Variants in ATAD2B observed in about 807,000 individuals in gnomAD.
The protein encoded by ATAD2B is ATPase family AAA domain containing 2B.
In ATAD2B, 40 loss-of-function variants were observed where a neutral mutation model predicts 167.6. The observed-to-expected ratio is 0.24, with a 90% CI of 0.19 to 0.31. The LOEUF is 0.31. Among genes scored for constraint, ATAD2B ranks in the 10% least tolerant of loss-of-function variants. ATAD2B has a pLI of 1.00. For missense variants in ATAD2B, 1,242 were observed against 1,757.2 expected (o/e 0.71, Z 5.24); for synonymous variants, 579 against 596.5 (o/e 0.97, Z 0.43).
intron 21 of ATAD2B, 76 bp from the exon 22 acceptor site, chr2:23,783,104 CAA>C (rs1346613594): frequency 1.3e-6 from 1 of 753,350 alleles, no homozygotes; most frequent in Admixed American, 3.5e-5. Context: ...AAAATAAAAA[CAA>C]AGTTCTTTAA....
intron 13 of ATAD2B, among the ~76,000 whole-genome samples, chr2:23,849,341 G>C: frequency 6.6e-6 from 1 of 152,082 alleles, no homozygotes; most frequent in East Asian, 1.9e-4. Flanking sequence ...TGTATTACAA[G>C]ATAAACATGG....
At chr2:23,730,429 G>A in the ATAD2B span, among the ~76,000 whole-genome samples, 1 of 151,920 alleles carries the variant, frequency 6.6e-6, no homozygotes, top group Non-Finnish European at 1.5e-5. Flanking sequence ...CACTTTGGGA[G>A]GCCGAGGCAG....
intron 19 of ATAD2B, among the ~76,000 whole-genome samples, chr2:23,793,689 C>T (rs1288948099): frequency 1.3e-5 from 2 of 152,144 alleles, no homozygotes; most frequent in South Asian, 4.1e-4. Flanking sequence ...ACTGTTAGTT[C>T]CTTTTTTCAT....
Position 23,765,419 on chromosome 2 carries a change from A to T in ATAD2B, c.3256+87T>A, listed in dbSNP as rs962500031. ...TTAAATACATTACTTTCATAATACC[A>T]GCAATCCTAAAGAAACAGCGTTCAA... On this transcript the variant is annotated intron_variant, in intron 23 of 27. Transcript: ENST00000238789. 2.7e-6 allele frequency: 3 copies of T among 1,098,260 alleles called. No individual in the cohort carries two copies. The Admixed American group carries it at 9.8e-5, about 36-fold the overall frequency. The allele number at this position is 1,098,260 out of a possible 1,614,324, so 68.0% of individuals were successfully genotyped here.
intron 12 of ATAD2B, among the ~76,000 whole-genome samples, chr2:23,863,023 C>T (rs1325671950): frequency 1.3e-5 from 2 of 152,138 alleles, no homozygotes; most frequent in Non-Finnish European, 2.9e-5. Flanking sequence ...TCCTCATAAA[C>T]AGTTTGTATT....
intron 13 of ATAD2B, among the ~76,000 whole-genome samples, chr2:23,836,663 C>T (rs916385071): frequency 6.6e-6 from 1 of 152,048 alleles, no homozygotes; most frequent in Non-Finnish European, 1.5e-5. Context: ...GGCAGGTCGT[C>T]ATGTTGAGTG....
chr2:23,883,005 G>A (rs1265894086), intron 6 of ATAD2B, among the ~76,000 whole-genome samples: 4 of 152,072 alleles, frequency 2.6e-5, no homozygotes, highest in African/African-American at 9.7e-5. Context: ...TGGACATGGT[G>A]GCTTACGCCT....
intron 6 of ATAD2B, among the ~76,000 whole-genome samples, chr2:23,881,301 C>T (rs1305425228): frequency 6.6e-6 from 1 of 150,672 alleles, no homozygotes; most frequent in African/African-American, 2.4e-5. Flanking sequence ...TGAGAGGGAG[C>T]ATGAAACAGA....
At chr2:23,722,758 C>T in the ATAD2B span, among the ~76,000 whole-genome samples, 1 of 151,950 alleles carries the variant, frequency 6.6e-6, no homozygotes, top group African/African-American at 2.4e-5. Context: ...CCAAACAGAT[C>T]CTCTCCAAGA....
chr2:23,922,876 T>C (rs1400368953), intron 1 of ATAD2B, among the ~76,000 whole-genome samples: 6 of 152,028 alleles, frequency 3.9e-5, no homozygotes, highest in African/African-American at 1.4e-4. Flanking sequence ...TGGGGAGATG[T>C]AGAAAAAAGG....
rs1698922410 is a variant in ATAD2B, at chr2:23,887,893, AACG to A, written c.508_510del (p.Arg170del). The A allele has an allele frequency of 6.2e-7, 1 of 1,611,112 alleles. No individual in the cohort carries two copies. The highest frequency in any genetic ancestry group is 2.2e-5 in the East Asian group (1 of 44,682). ...ACACTTTCAAATCTGTTTTTCCTGG[AACG>A]ACAACTTTTTCTGACTTCCATGTCA... is the stretch of plus-strand genomic sequence containing the variant. On this transcript the variant is annotated inframe_deletion, in exon 4 of 28. Coordinates refer to ENST00000238789, the MANE Select transcript of ATAD2B (RefSeq NM_017552.4).
chr2:23,899,539 T>C (rs1263668889), intron 1 of ATAD2B, among the ~76,000 whole-genome samples: 2 of 152,164 alleles, frequency 1.3e-5, no homozygotes, highest in African/African-American at 2.4e-5. Context: ...CAATCCTTTG[T>C]CAGTCACCAT....
chr2:23,818,996 A>G (rs1421647746), intron 17 of ATAD2B, among the ~76,000 whole-genome samples: 1 of 152,242 alleles, frequency 6.6e-6, no homozygotes, highest in Non-Finnish European at 1.5e-5. Context: ...CAATTTCTAA[A>G]TCGAAATCTC....
At chr2:23,840,016 A>G (rs1289844095) in intron 13 of ATAD2B, among the ~76,000 whole-genome samples, 1 of 152,120 alleles carries the variant, frequency 6.6e-6, no homozygotes, top group Non-Finnish European at 1.5e-5. Context: ...AGATTCTTGC[A>G]TTTGGCATAT....
chr2:23,891,915 T>C (rs111350112), intron 2 of ATAD2B, among the ~76,000 whole-genome samples: 2 of 152,234 alleles, frequency 1.3e-5, no homozygotes, highest in African/African-American at 4.8e-5. Context: ...AATATCAGAC[T>C]TAAAAATCAT....
intron 6 of ATAD2B, among the ~76,000 whole-genome samples, chr2:23,882,885 C>T (rs1034264539): frequency 3.3e-5 from 5 of 151,472 alleles, no homozygotes; most frequent in Admixed American, 6.6e-5. Context: ...CAATATGTAA[C>T]TTTTTAACCA....
chr2:23,884,902 C>A, intron 5 of ATAD2B, 29 bp from the exon 6 acceptor site: 1 of 1,393,290 alleles, frequency 7.2e-7, no homozygotes, highest in Non-Finnish European at 9.8e-7. Flanking sequence ...TGTCAAATAG[C>A]AACATGACAT....
the ATAD2B span, among the ~76,000 whole-genome samples, chr2:23,683,467 A>T: frequency 2.6e-5 from 4 of 152,160 alleles, no homozygotes; most frequent in Non-Finnish European, 4.4e-5. Flanking sequence ...AATGAAAGAG[A>T]GTGTGCAACC....
intron 7 of ATAD2B, among the ~76,000 whole-genome samples, chr2:23,878,238 G>A (rs1697329388): frequency 6.6e-6 from 1 of 151,326 alleles, no homozygotes; most frequent in Admixed American, 6.6e-5. Flanking sequence ...GCGCATGCCT[G>A]TAGTCCCAGC....
Sources: gnomAD v4.1 joint callset for allele counts (sites outside exome capture counted in the v4.1 genomes callset) on GRCh38, gnomAD v4.1.1 for gene constraint, MANE v1.5 for transcripts, NCBI Gene and HGNC (gene_info 2026-07-23, HGNC 2026-07-21) for gene names.